The following LINGO1 variants were observed in gnomAD, a reference collection of about 807,000 sequenced individuals.
LINGO1 encodes leucine-rich repeat and immunoglobulin-like domain-containing nogo receptor-interacting protein 1.
Under a neutral mutation model 37.3 loss-of-function variants are expected in LINGO1, and 11 were observed. The ratio of observed to expected loss-of-function variants is 0.29; its 90% CI spans 0.19 to 0.49. The LOEUF is 0.49. Ranked by LOEUF, LINGO1 falls within the 20% of genes least tolerant of loss-of-function variation. The probability of loss-of-function intolerance (pLI) is 0.99; values close to 1 mark genes in which losing one functional copy is unlikely to be tolerated. For missense variants in LINGO1, 585 were observed against 878.2 expected (o/e 0.67, Z 4.22); for synonymous variants, 387 against 403.0 (o/e 0.96, Z 0.48).
chr15:77,769,188 G>T (rs1460989885), intron 1 of LINGO1, among the ~76,000 whole-genome samples: 4 of 151,994 alleles, frequency 2.6e-5, no homozygotes, highest in Non-Finnish European at 5.9e-5. Context: ...CCCAGGGTGG[G>T]AAGCCCCCAT....
chr15:77,693,289 G>C (rs978633901), intron 1 of LINGO1, among the ~76,000 whole-genome samples: 5 of 152,196 alleles, frequency 3.3e-5, no homozygotes, highest in Non-Finnish European at 7.3e-5. Context: ...ATGAGGACAG[G>C]GGATACCGAT....
intron 1 of LINGO1, among the ~76,000 whole-genome samples, chr15:77,616,372 C>G (rs2073720909): frequency 6.6e-6 from 1 of 152,210 alleles, no homozygotes; most frequent in Non-Finnish European, 1.5e-5. Flanking sequence ...AGCAGAGCAA[C>G]CAGGAGTGTG....
intron 2 of LINGO1, among the ~76,000 whole-genome samples, chr15:77,715,965 T>C (rs1473932892): frequency 6.6e-6 from 1 of 152,192 alleles, no homozygotes; most frequent in Non-Finnish European, 1.5e-5. Context: ...GAGGGAAACA[T>C]ACTGTGTGTG....
At chr15:77,707,528 G>C (rs946456525) in intron 2 of LINGO1, 33 of 152,252 alleles carry the variant, frequency 2.2e-4, no homozygotes, top group African/African-American at 7.5e-4. Context: ...TGGGGCACCA[G>C]GGATTTTAGC....
chr15:77,675,063 T>G (rs1010184854), intron 3 of LINGO1, among the ~76,000 whole-genome samples: 2 of 152,096 alleles, frequency 1.3e-5, no homozygotes, highest in African/African-American at 4.8e-5. Context: ...ATTAGCAGTC[T>G]AAGAAACATA....
intron 2 of LINGO1, among the ~76,000 whole-genome samples, chr15:77,704,014 C>T (rs978294194): frequency 1.6e-4 from 24 of 152,266 alleles, no homozygotes; most frequent in African/African-American, 4.1e-4. Context: ...AGTTTGAGTC[C>T]GGGCTCTCCC....
At chr15:77,811,394 G>A (rs955458415) in intron 1 of LINGO1, among the ~76,000 whole-genome samples, 3 of 152,212 alleles carry the variant, frequency 2.0e-5, no homozygotes, top group African/African-American at 2.4e-5. Flanking sequence ...AGAGGAACCT[G>A]TTCAGAGGGG....
rs764347019 is a variant in LINGO1, at chr15:77,654,499, C to G, written c.-13+22590G>C. ...CTGGCTAGGTATGGTTAGAGCCCAG[C>G]TGGTGGGGATTGGGGCTGGGGTCTC... On this transcript the variant is annotated intron_variant, in intron 3 of 3. Coordinates refer to the LINGO1 transcript ENST00000559893. Among the ~76,000 whole-genome samples, 11 of 152,218 alleles carry G rather than the reference C, an allele frequency of 7.2e-5. 1 individual carries two copies. In the South Asian group the frequency reaches 1.7e-3, roughly 23 times the overall value.
chr15:77,693,048 C>G (rs1034447257), intron 1 of LINGO1, among the ~76,000 whole-genome samples: 15 of 152,196 alleles, frequency 9.9e-5, no homozygotes, highest in Non-Finnish European at 2.2e-4. Context: ...GCAGGTGATT[C>G]CCAGCTTACA....
chr15:77,685,834 C>T (rs1396973952), intron 2 of LINGO1, among the ~76,000 whole-genome samples: 1 of 152,122 alleles, frequency 6.6e-6, no homozygotes, highest in East Asian at 1.9e-4. Context: ...CTGGGTGACA[C>T]AGTGAGACCC....
chr15:77,747,843 T>C (rs2076330091), intron 1 of LINGO1, among the ~76,000 whole-genome samples: 2 of 151,422 alleles, frequency 1.3e-5, no homozygotes, highest in African/African-American at 2.4e-5. Context: ...GAGAGAATCA[T>C]ACCCTCAGTC....
chr15:77,639,494 C>A (rs962006355), intron 3 of LINGO1, among the ~76,000 whole-genome samples: 2 of 151,764 alleles, frequency 1.3e-5, no homozygotes, highest in Non-Finnish European at 2.9e-5. Flanking sequence ...AGCAGTTCCC[C>A]GAGGCATGAG....
intron 2 of LINGO1, among the ~76,000 whole-genome samples, chr15:77,679,965 T>C (rs1240119363): frequency 1.3e-5 from 2 of 152,258 alleles, no homozygotes; most frequent in East Asian, 1.9e-4. Context: ...AGAATTTTAT[T>C]GCTCACTGAA....
intron 1 of LINGO1, among the ~76,000 whole-genome samples, chr15:77,749,343 C>T (rs1279694172): frequency 1.3e-5 from 2 of 151,624 alleles, no homozygotes; most frequent in Non-Finnish European, 2.9e-5. Flanking sequence ...AAGCCCAATG[C>T]CATTCCCCAG....
upstream of LINGO1, among the ~76,000 whole-genome samples, chr15:77,699,670 T>C (rs796119577): frequency 6.8e-6 from 1 of 146,894 alleles, no homozygotes; most frequent in African/African-American, 2.5e-5. Context: ...AAGCACATAC[T>C]AACCATCATC....
At chr15:77,749,483 A>T (rs960546894) in intron 1 of LINGO1, among the ~76,000 whole-genome samples, 1 of 152,240 alleles carries the variant, frequency 6.6e-6, no homozygotes, top group Non-Finnish European at 1.5e-5. Context: ...AAGAAAACAA[A>T]AGAGACTCAG....
At chr15:77,631,686 G>A (rs1470148484) in intron 1 of LINGO1, among the ~76,000 whole-genome samples, 5 of 152,240 alleles carry the variant, frequency 3.3e-5, no homozygotes, top group African/African-American at 7.2e-5. Context: ...TGAGAAGCCC[G>A]GGCTGAACGC....
chr15:77,631,660 G>A (rs2074257614), intron 1 of LINGO1, among the ~76,000 whole-genome samples: 1 of 152,254 alleles, frequency 6.6e-6, no homozygotes, highest in South Asian at 2.1e-4. Context: ...AGAATGAAAA[G>A]TGGGGCAAGA....
rs540698151 is a variant in LINGO1 at position 77,762,018 on chromosome 15, T to A, written c.-257+24851A>T. 3.9e-5 allele frequency among the ~76,000 whole-genome samples: 6 copies of A among 152,342 alleles called. No individual in the cohort carries two copies. In the South Asian group the frequency reaches 1.0e-3, roughly 26 times the overall value. On this transcript the variant is annotated intron_variant, in intron 1 of 3. Coordinates refer to the LINGO1 transcript ENST00000561686. ...CTCCCATCTCTAAAATGGGGCTTTA[T>A]GACCTCTTGGGTCTTTTGAGGCCTA...
Sources: gnomAD v4.1 joint callset for allele counts (sites outside exome capture counted in the v4.1 genomes callset) on GRCh38, gnomAD v4.1.1 for gene constraint, MANE v1.5 for transcripts, NCBI Gene and HGNC (gene_info 2026-07-23, HGNC 2026-07-21) for gene names.